The following MACROD2 variants were observed in gnomAD, a reference collection of about 807,000 sequenced individuals.
The protein encoded by MACROD2 is ADP-ribose glycohydrolase MACROD2.
Under a neutral mutation model 70.4 loss-of-function variants are expected in MACROD2, and 36 were observed. The observed-to-expected ratio is 0.51, with a 90% CI of 0.39 to 0.68. MACROD2 has a LOEUF of 0.68. Among genes scored for constraint, MACROD2 ranks in the 30% least tolerant of loss-of-function variants. The pLI is 0.00. For synonymous variants in MACROD2, 172 were observed against 178.8 expected (o/e 0.96, Z 0.30); for missense variants, 496 against 538.4 (o/e 0.92, Z 0.78).
intron 8 of MACROD2, among the ~76,000 whole-genome samples, chr20:15,654,209 T>A (rs462849): frequency 6.6e-6 from 1 of 151,980 alleles, no homozygotes; most frequent in African/African-American, 2.4e-5. Flanking sequence ...AGGAAGAACC[T>A]GAAAAGTCAA....
At chr20:14,190,050 A>T (rs2081372362) in intron 3 of MACROD2, among the ~76,000 whole-genome samples, 1 of 152,196 alleles carries the variant, frequency 6.6e-6, no homozygotes, top group Non-Finnish European at 1.5e-5. Context: ...AAACTTCCAT[A>T]AGAGGTAGGC....
intron 4 of MACROD2, among the ~76,000 whole-genome samples, chr20:14,648,396 A>G (rs1356415592): frequency 1.3e-5 from 2 of 152,192 alleles, no homozygotes; most frequent in Non-Finnish European, 2.9e-5. Flanking sequence ...TTGAACGTCC[A>G]GTTTATTTTC....
chr20:15,792,071 G>A (rs566376206), intron 8 of MACROD2, among the ~76,000 whole-genome samples: 2 of 152,180 alleles, frequency 1.3e-5, no homozygotes, highest in Admixed American at 1.3e-4. Context: ...AGAACCAATA[G>A]ATTGTGAGAG....
intron 8 of MACROD2, among the ~76,000 whole-genome samples, chr20:15,830,905 T>C (rs2064048892): frequency 6.6e-6 from 1 of 152,256 alleles, no homozygotes; most frequent in African/African-American, 2.4e-5. Flanking sequence ...TGTTTTTTCT[T>C]AGAATATTTG....
chr20:14,571,769 A>G (rs540162445), intron 4 of MACROD2, among the ~76,000 whole-genome samples: 1 of 152,228 alleles, frequency 6.6e-6, no homozygotes, highest in South Asian at 2.1e-4. Context: ...AGCTTACAAT[A>G]TAGATCCACT....
intron 5 of MACROD2, among the ~76,000 whole-genome samples, chr20:15,205,644 A>G (rs112556697): frequency 0.013 from 1,986 of 152,230 alleles, 60 homozygotes; most frequent in African/African-American, 0.045. Context: ...CTAAATACTA[A>G]GTTTCTGTTA....
intron 3 of MACROD2, among the ~76,000 whole-genome samples, chr20:14,425,752 A>G (rs2083925694): frequency 6.6e-6 from 1 of 150,964 alleles, no homozygotes; most frequent in Non-Finnish European, 1.5e-5. Context: ...TACCCTGGGG[A>G]CTCTTCGCAT....
chr20:14,172,661 T>C (rs112821126), intron 3 of MACROD2, among the ~76,000 whole-genome samples: 462 of 152,324 alleles, frequency 3.0e-3, no homozygotes, highest in Non-Finnish European at 5.3e-3. Context: ...AACATTAGTA[T>C]TGAGATGTGA....
intron 3 of MACROD2, among the ~76,000 whole-genome samples, chr20:14,432,623 G>A (rs2084007290): frequency 6.6e-6 from 1 of 152,108 alleles, no homozygotes; most frequent in Admixed American, 6.6e-5. Context: ...TGGAAGTACT[G>A]TAATCAAGAG....
chr20:15,133,091 C>T (rs2076118536), intron 5 of MACROD2, among the ~76,000 whole-genome samples: 1 of 151,986 alleles, frequency 6.6e-6, no homozygotes, highest in South Asian at 2.1e-4. Flanking sequence ...AAGCCTGAAA[C>T]AATTGTTCTT....
chr20:15,147,182 G>A (rs1026452617), intron 5 of MACROD2, among the ~76,000 whole-genome samples: 1 of 152,130 alleles, frequency 6.6e-6, no homozygotes. Flanking sequence ...TGAACCAAAT[G>A]CCTTTATTTC....
At chr20:14,140,079 C>G (rs992661905) in intron 3 of MACROD2, among the ~76,000 whole-genome samples, 1 of 152,174 alleles carries the variant, frequency 6.6e-6, no homozygotes, top group Non-Finnish European at 1.5e-5. Context: ...ACTTCTGTCT[C>G]AAGCATTTTG....
At chr20:15,091,640 T>C (rs1181090476) in intron 5 of MACROD2, among the ~76,000 whole-genome samples, 1 of 152,134 alleles carries the variant, frequency 6.6e-6, no homozygotes, top group Non-Finnish European at 1.5e-5. Context: ...TGGTTCTCTG[T>C]GGTTTCTTAC....
At chr20:15,080,104 A>C (rs1487798552) in intron 5 of MACROD2, among the ~76,000 whole-genome samples, 1 of 148,396 alleles carries the variant, frequency 6.7e-6, no homozygotes, top group Non-Finnish European at 1.5e-5. Flanking sequence ...CCATCTTCAA[A>C]ACAGAACAGC....
At chr20:14,321,000 C>T (rs78087508) in intron 3 of MACROD2, among the ~76,000 whole-genome samples, 2,143 of 152,152 alleles carry the variant, frequency 0.014, 45 homozygotes, top group African/African-American at 0.049. Flanking sequence ...GAGCAGTGAA[C>T]GGTCACTGCT....
chr20:14,219,564 G>A (rs1003372990), intron 3 of MACROD2, among the ~76,000 whole-genome samples: 7 of 152,188 alleles, frequency 4.6e-5, no homozygotes, highest in Admixed American at 2.6e-4. Context: ...ATCCATTGCT[G>A]ATGAACTAGT....
chr20:14,309,683 C>T (rs1252447970), intron 3 of MACROD2, among the ~76,000 whole-genome samples: 2 of 152,058 alleles, frequency 1.3e-5, no homozygotes, highest in African/African-American at 4.8e-5. Context: ...GAGAGAATTG[C>T]CTAATGATTT....
At chr20:14,029,930 T>C (rs1195842821) in intron 2 of MACROD2, among the ~76,000 whole-genome samples, 2 of 152,220 alleles carry the variant, frequency 1.3e-5, no homozygotes, top group Non-Finnish European at 1.5e-5. Context: ...GTTCTGTTTC[T>C]AATTAAGTGA....
intron 8 of MACROD2, among the ~76,000 whole-genome samples, 186 bp downstream of exon 8, chr20:15,500,033 C>A (rs1191673146): frequency 1.3e-5 from 2 of 152,170 alleles, no homozygotes; most frequent in Non-Finnish European, 2.9e-5. Flanking sequence ...TAGAATGCAG[C>A]AACTCTATTG....
Sources: allele counts gnomAD v4.1 joint callset (sites outside exome capture counted in the v4.1 genomes callset), GRCh38; gene constraint gnomAD v4.1.1; transcripts MANE v1.5; gene names NCBI Gene and HGNC (gene_info 2026-07-23, HGNC 2026-07-21).